KHDRBS3: variants seen among roughly 807,000 people sequenced by gnomAD.
The protein encoded by KHDRBS3 is KH domain-containing, RNA-binding, signal transduction-associated protein 3.
A neutral mutation model predicts 45.6 loss-of-function variants in KHDRBS3; 23 were observed. The ratio of observed to expected loss-of-function variants is 0.50; its 90% CI spans 0.36 to 0.72. The LOEUF is 0.72. KHDRBS3 is among the 30% of genes least tolerant of loss of function. KHDRBS3 has a pLI of 0.00. For missense variants in KHDRBS3, 352 were observed against 424.8 expected (o/e 0.83, Z 1.51); for synonymous variants, 162 against 156.5 (o/e 1.04, Z -0.26).
rs74416889 is a variant in KHDRBS3 at position 135,507,771 on chromosome 8, T to C, written c.89-13466T>C. Among the ~76,000 whole-genome samples the C allele has an allele frequency of 2.6e-5, 4 of 152,266 alleles. No homozygotes were observed. In the East Asian group the frequency reaches 7.7e-4, roughly 29 times the overall value. ...ATTGATATGAGAAGACAGGTCTCAT[T>C]TTCAGTAATTCTGTAGCTCTATGCT... On this transcript the variant is annotated intron_variant, in intron 1 of 8. Transcript: ENST00000355849.
At chr8:135,612,419 A>T (rs1364994405) in intron 7 of KHDRBS3, among the ~76,000 whole-genome samples, 1 of 151,868 alleles carries the variant, frequency 6.6e-6, no homozygotes, top group Non-Finnish European at 1.5e-5. Context: ...GACTAGTGAA[A>T]TTAAGAAATT....
chr8:135,555,915 G>A (rs555874428), intron 4 of KHDRBS3, among the ~76,000 whole-genome samples: 8 of 152,232 alleles, frequency 5.3e-5, no homozygotes, highest in African/African-American at 1.9e-4. Flanking sequence ...GAGCTGGTAT[G>A]TGATGTTCCC....
At chr8:135,622,631 T>G (rs1180143842) in intron 7 of KHDRBS3, among the ~76,000 whole-genome samples, 1 of 152,206 alleles carries the variant, frequency 6.6e-6, no homozygotes, top group Non-Finnish European at 1.5e-5. Flanking sequence ...AGAAATCTCC[T>G]CAAAAAGATA....
At chr8:135,619,827 C>A (rs1490416144) in intron 7 of KHDRBS3, among the ~76,000 whole-genome samples, 4 of 152,172 alleles carry the variant, frequency 2.6e-5, no homozygotes, top group African/African-American at 7.2e-5. Context: ...ATAATGATTG[C>A]CCCTTGGATT....
intron 7 of KHDRBS3, among the ~76,000 whole-genome samples, chr8:135,622,783 A>G (rs1830200718): frequency 6.6e-6 from 1 of 152,324 alleles, no homozygotes; most frequent in East Asian, 1.9e-4. Context: ...ATCCAATACC[A>G]AAAGATTCCA....
downstream of KHDRBS3, among the ~76,000 whole-genome samples, chr8:135,650,538 A>G (rs1831407830): frequency 6.6e-6 from 1 of 152,216 alleles, no homozygotes; most frequent in East Asian, 1.9e-4. Context: ...AAAGGAAGAA[A>G]TTTAAGCTTC....
Position 135,457,678 on chromosome 8 carries a change from G to T in KHDRBS3, c.-189G>T, listed in dbSNP as rs1006128151. The T allele has an allele frequency of 1.3e-5, 2 of 150,078 alleles. No homozygotes were observed. Among genetic ancestry groups the T allele is most frequent in the Non-Finnish European group, 2.9e-5 (2 of 68,226 alleles). The allele number at this position is 150,078 out of a possible 1,614,324, so 9.3% of individuals were successfully genotyped here. ...GGGTACTCGGCGGCCACCGGGGATC[G>T]GGGCTGAGCGGTCGGTTCCCGCCCC... On this transcript the variant is annotated 5_prime_UTR_variant, in exon 1 of 9. Transcript: ENST00000355849. The surrounding 1 kb of genome is among the most constrained non-coding windows in gnomAD (Gnocchi z 4.4).
chr8:135,477,272 A>C (rs1010111248), intron 1 of KHDRBS3, among the ~76,000 whole-genome samples: 2 of 152,196 alleles, frequency 1.3e-5, no homozygotes, highest in African/African-American at 4.8e-5. Flanking sequence ...GATATGTAGC[A>C]GGGCACTATT....
At chr8:135,540,484 A>G (rs1189126672) in intron 2 of KHDRBS3, 1 of 152,242 alleles carries the variant, frequency 6.6e-6, no homozygotes, top group Non-Finnish European at 1.5e-5. Context: ...GCCCCTCCAC[A>G]CTCTAGCAAA....
At chr8:135,529,940 A>G (rs1394622460) in intron 2 of KHDRBS3, among the ~76,000 whole-genome samples, 1 of 151,928 alleles carries the variant, frequency 6.6e-6, no homozygotes, top group Admixed American at 6.6e-5. Flanking sequence ...AGTCCCAGCT[A>G]CTTGGGAGGC....
chr8:135,517,613 C>T (rs916473643), intron 1 of KHDRBS3, among the ~76,000 whole-genome samples: 3 of 152,126 alleles, frequency 2.0e-5, no homozygotes, highest in Non-Finnish European at 2.9e-5. Flanking sequence ...GATTGAACAG[C>T]ATCTGCTAAA....
intron 7 of KHDRBS3, among the ~76,000 whole-genome samples, chr8:135,614,039 A>G (rs1829813684): frequency 6.6e-6 from 1 of 152,034 alleles, no homozygotes; most frequent in African/African-American, 2.4e-5. Context: ...GTTCAGGTAC[A>G]TTTCCCCATT....
chr8:135,562,169 T>C (rs1827201183), intron 5 of KHDRBS3, among the ~76,000 whole-genome samples: 1 of 152,234 alleles, frequency 6.6e-6, no homozygotes, highest in Admixed American at 6.5e-5. Context: ...CCAGAACAAC[T>C]TCCAGTCTTC....
intron 1 of KHDRBS3, among the ~76,000 whole-genome samples, chr8:135,520,814 T>A (rs930464691): frequency 6.6e-6 from 1 of 152,216 alleles, no homozygotes; most frequent in Non-Finnish European, 1.5e-5. Context: ...AATGCCATCG[T>A]AGAATCAGTT....
chr8:135,559,684 T>C (rs1278553042), intron 5 of KHDRBS3, among the ~76,000 whole-genome samples: 1 of 152,206 alleles, frequency 6.6e-6, no homozygotes, highest in Non-Finnish European at 1.5e-5. Context: ...TTAAAAACTC[T>C]TCTGAAAGTC....
chr8:135,576,852 A>G (rs193116062), intron 5 of KHDRBS3, among the ~76,000 whole-genome samples: 3 of 152,288 alleles, frequency 2.0e-5, no homozygotes, highest in Admixed American at 6.5e-5. Context: ...TGCATATTTA[A>G]CCATCTGTAA....
chr8:135,548,062 A>T (rs1034651989), intron 3 of KHDRBS3, among the ~76,000 whole-genome samples: 6 of 152,220 alleles, frequency 3.9e-5, no homozygotes, highest in African/African-American at 1.4e-4. Context: ...TTTTATTCTC[A>T]GATAGAATAT....
intron 1 of KHDRBS3, among the ~76,000 whole-genome samples, chr8:135,519,489 C>T (rs1322584764): frequency 6.6e-6 from 1 of 152,152 alleles, no homozygotes; most frequent in East Asian, 1.9e-4. Context: ...TAATGACTCA[C>T]AGAACTCAGG....
At chr8:135,642,719 C>T (rs1297957440) in intron 7 of KHDRBS3, among the ~76,000 whole-genome samples, 1 of 152,020 alleles carries the variant, frequency 6.6e-6, no homozygotes, top group Non-Finnish European at 1.5e-5. Context: ...TATGATTAAG[C>T]CAGGATAACA....
Sources: gnomAD v4.1 joint callset for allele counts (sites outside exome capture counted in the v4.1 genomes callset) on GRCh38, gnomAD v4.1.1 for gene constraint, Gnocchi (gnomAD v3.1) non-coding constraint, MANE v1.5 for transcripts, NCBI Gene and HGNC (gene_info 2026-07-23, HGNC 2026-07-21) for gene names.